Variants in PLXDC2 observed in about 807,000 individuals in gnomAD.
The protein encoded by PLXDC2 is plexin domain containing 2.
In PLXDC2, 40 loss-of-function variants were observed where a neutral mutation model predicts 68.9. The observed-to-expected ratio is 0.58, with a 90% CI of 0.45 to 0.76. The LOEUF (loss-of-function observed/expected upper bound fraction) is 0.76. Among genes scored for constraint, PLXDC2 ranks in the 30% least tolerant of loss-of-function variants. The pLI, the probability that PLXDC2 is intolerant of heterozygous loss-of-function variation, is 0.00. For synonymous variants in PLXDC2, 243 were observed against 234.2 expected (o/e 1.04, Z -0.34); for missense variants, 644 against 661.9 (o/e 0.97, Z 0.30).
intron 4 of PLXDC2, among the ~76,000 whole-genome samples, chr10:20,139,382 T>G (rs1833972198): frequency 6.6e-6 from 1 of 152,240 alleles, no homozygotes; most frequent in Non-Finnish European, 1.5e-5. Flanking sequence ...AATGACCACT[T>G]TTCTGCAAAG....
At chr10:20,198,083 GAGA>G (rs1834865726) in intron 9 of PLXDC2, among the ~76,000 whole-genome samples, 1 of 152,234 alleles carries the variant, frequency 6.6e-6, no homozygotes, top group South Asian at 2.1e-4. Context: ...TTCCAGTTAA[GAGA>G]AGAATACTCC....
intron 2 of PLXDC2, among the ~76,000 whole-genome samples, chr10:20,026,237 T>C (rs888006626): frequency 6.6e-6 from 1 of 152,132 alleles, no homozygotes; most frequent in African/African-American, 2.4e-5. Context: ...GTTTTTTTTT[T>C]ATATTGCTGG....
intron 4 of PLXDC2, among the ~76,000 whole-genome samples, chr10:20,124,443 G>A (rs569380502): frequency 9.9e-4 from 151 of 152,234 alleles, no homozygotes; most frequent in Middle Eastern, 3.4e-3. Context: ...ACCTGAGGTC[G>A]TAGGTGGATC....
At chr10:20,203,342 G>A (rs889150724) in intron 9 of PLXDC2, among the ~76,000 whole-genome samples, 1 of 151,212 alleles carries the variant, frequency 6.6e-6, no homozygotes, top group Non-Finnish European at 1.5e-5. Context: ...CCAGGCTGGG[G>A]TGCAGTGGTA....
At chr10:19,870,618 G>T (rs1035374344) in intron 1 of PLXDC2, among the ~76,000 whole-genome samples, 2 of 151,986 alleles carry the variant, frequency 1.3e-5, no homozygotes, top group Non-Finnish European at 2.9e-5. Context: ...TAGAGATGGG[G>T]TTTCACCATG....
intron 1 of PLXDC2, among the ~76,000 whole-genome samples, chr10:19,887,830 T>G (rs1440255421): frequency 1.3e-5 from 2 of 152,216 alleles, no homozygotes; most frequent in African/African-American, 4.8e-5. Flanking sequence ...ATAGATTTTT[T>G]CTAGAAATAG....
intron 9 of PLXDC2, among the ~76,000 whole-genome samples, chr10:20,190,504 A>G (rs1321061015): frequency 6.6e-6 from 1 of 151,834 alleles, no homozygotes; most frequent in Non-Finnish European, 1.5e-5. Context: ...GTAAATGACG[A>G]GTTAATGGGT....
chr10:19,921,861 A>C (rs773840955), intron 1 of PLXDC2, among the ~76,000 whole-genome samples: 48 of 151,590 alleles, frequency 3.2e-4, no homozygotes, highest in Non-Finnish European at 6.0e-4. Flanking sequence ...AATTTTTTTT[A>C]ATTTTTTTAT....
chr10:19,855,835 C>T (rs563159828), intron 1 of PLXDC2, among the ~76,000 whole-genome samples: 2 of 152,206 alleles, frequency 1.3e-5, no homozygotes, highest in African/African-American at 4.8e-5. Flanking sequence ...CCTGTAATCC[C>T]AGCACTTTGG....
At chr10:19,991,081 C>T (rs377141732) in intron 1 of PLXDC2, among the ~76,000 whole-genome samples, 8 of 151,894 alleles carry the variant, frequency 5.3e-5, no homozygotes, top group African/African-American at 1.9e-4. Flanking sequence ...ACCCCATCTC[C>T]ACTAAAAATA....
intron 12 of PLXDC2, among the ~76,000 whole-genome samples, chr10:20,225,719 G>C (rs1011396899): frequency 7.9e-5 from 12 of 152,046 alleles, no homozygotes; most frequent in African/African-American, 2.4e-4. Context: ...AGATGTAATT[G>C]TTATTTTATT....
intron 1 of PLXDC2, among the ~76,000 whole-genome samples, chr10:19,860,730 A>G (rs1488981617): frequency 6.6e-6 from 1 of 152,204 alleles, no homozygotes; most frequent in African/African-American, 2.4e-5. Context: ...TGTACTGTTT[A>G]TGGATCTTTC....
intron 10 of PLXDC2, among the ~76,000 whole-genome samples, chr10:20,214,213 C>T (rs1835106972): frequency 6.6e-6 from 1 of 152,026 alleles, no homozygotes; most frequent in African/African-American, 2.4e-5. Flanking sequence ...ATTGGATGAT[C>T]CCATTATCTA....
intron 3 of PLXDC2, among the ~76,000 whole-genome samples, chr10:20,063,300 T>C (rs1046858023): frequency 3.3e-5 from 5 of 152,226 alleles, no homozygotes; most frequent in Admixed American, 3.3e-4. Flanking sequence ...GGATTATTTC[T>C]TATAAAGCTG....
chr10:19,931,097 AC>A (rs545037915), intron 1 of PLXDC2, among the ~76,000 whole-genome samples: 135 of 152,336 alleles, frequency 8.9e-4, no homozygotes, highest in African/African-American at 2.4e-3. Flanking sequence ...ACCCGCAAAC[AC>A]CCATGGGAAG....
chr10:19,957,472 C>G (rs1439577882), intron 1 of PLXDC2, among the ~76,000 whole-genome samples: 1 of 152,096 alleles, frequency 6.6e-6, no homozygotes, highest in East Asian at 1.9e-4. Context: ...TAGAATTTTA[C>G]AAAAATTAGG....
chr10:19,863,834 A>G (rs1319005913), intron 1 of PLXDC2, among the ~76,000 whole-genome samples: 2 of 151,424 alleles, frequency 1.3e-5, no homozygotes, highest in African/African-American at 4.9e-5. Context: ...ATTTTTTAAT[A>G]TCAGAGGGAA....
chr10:20,142,269 T>G (rs1834016737), intron 4 of PLXDC2, among the ~76,000 whole-genome samples: 1 of 152,114 alleles, frequency 6.6e-6, no homozygotes, highest in South Asian at 2.1e-4. Context: ...GTGTCGGGTA[T>G]CTAATTAACT....
chr10:19,962,504 C>A (rs887533071), intron 1 of PLXDC2, among the ~76,000 whole-genome samples: 1 of 148,846 alleles, frequency 6.7e-6, no homozygotes, highest in African/African-American at 2.4e-5. Flanking sequence ...CATTCTCCCG[C>A]CTCAGCCTCC....
Sources: gnomAD v4.1 joint callset for allele counts (sites outside exome capture counted in the v4.1 genomes callset) on GRCh38, gnomAD v4.1.1 for gene constraint, MANE v1.5 for transcripts, NCBI Gene and HGNC (gene_info 2026-07-23, HGNC 2026-07-21) for gene names.